WDR86: variants seen among roughly 807,000 people sequenced by gnomAD.
WDR86 encodes the protein WD repeat domain 86.
WDR86 carries 30 observed loss-of-function variants against 36.5 expected under a neutral mutation model. That is an observed-to-expected ratio of 0.82 (90% CI 0.61 to 1.11). The LOEUF (loss-of-function observed/expected upper bound fraction) is 1.11, where lower values mean the gene tolerates loss of function less well. WDR86 is among the 50% of genes most tolerant of loss of function. The pLI is 0.00. For synonymous variants in WDR86, 255 were observed against 252.9 expected (o/e 1.01, Z -0.08); for missense variants, 545 against 561.2 (o/e 0.97, Z 0.29).
downstream of WDR86, chr7:151,377,927 T>C (rs1798378744): frequency 6.6e-6 from 1 of 152,218 alleles, no homozygotes; most frequent in South Asian, 2.1e-4. Flanking sequence ...TTCTATTGAA[T>C]GGGAAAGGTT....
At chr7:151,377,833 T>C (rs1798372480), downstream of WDR86, 2 of 152,242 alleles carry the variant, frequency 1.3e-5, no homozygotes, top group Non-Finnish European at 2.9e-5. Context: ...TGTTTTATGC[T>C]CTTAGTTCAG....
In WDR86 at chr7:151,394,659, G is replaced by C. The variant is rs190784149; in HGVS notation, c.726+1117C>G. Among the ~76,000 whole-genome samples the C allele has an allele frequency of 2.9e-3, 440 of 152,354 alleles. 15 individuals are homozygous for C. Among genetic ancestry groups the C allele is most frequent in the Admixed American group, 0.028 (427 of 15,302 alleles). On this transcript the variant is annotated intron_variant, in intron 3 of 5. Transcript: ENST00000334493. Reference sequence around the variant, plus strand: ...CAGCAACAGCAGCAGGGATGGTCACGGTCGCGGCGGCTAAGGGCTGCCTGG... The same window carrying C: ...CAGCAACAGCAGCAGGGATGGTCACCGTCGCGGCGGCTAAGGGCTGCCTGG...
intron 1 of WDR86, among the ~76,000 whole-genome samples, chr7:151,407,476 C>T (rs552549635): frequency 1.3e-5 from 2 of 152,338 alleles, no homozygotes; most frequent in African/African-American, 4.8e-5. Flanking sequence ...TGGGCTCCCA[C>T]AACCCGTCCC....
At chr7:151,373,600 G>A (rs1798056876), downstream of WDR86, among the ~76,000 whole-genome samples, 2 of 152,236 alleles carry the variant, frequency 1.3e-5, no homozygotes, top group East Asian at 1.9e-4. Context: ...GCTGTGGGGG[G>A]CGGGTCACCA....
At position 151,396,276 on chromosome 7, in the gene WDR86, G is replaced by A. The variant is rs866121712; in HGVS notation, c.306-80C>T. On this transcript the variant is annotated intron_variant, in intron 2 of 5. Coordinates refer to ENST00000334493, the MANE Select transcript of WDR86 (RefSeq NM_198285.3). The stretch of plus-strand genomic sequence containing the variant: ...CACAGCCTCCCGACATGCCATGCTC[G>A]GCACTGCAGCTAAAATAACCTCTCC... 32 of 1,499,782 alleles carry A rather than the reference G, an allele frequency of 2.1e-5. 1 individual carries two copies. Among genetic ancestry groups the A allele is most frequent in the South Asian group, 1.4e-4 (12 of 86,660 alleles). 92.9% of individuals were successfully genotyped at this position (1,499,782 alleles called of 1,614,324 possible). A position where few individuals can be genotyped will look rare whatever the true frequency, so the allele number is the denominator to read the frequency against.
At chr7:151,402,753 C>T (rs1288022630) in intron 1 of WDR86, among the ~76,000 whole-genome samples, 2 of 152,194 alleles carry the variant, frequency 1.3e-5, no homozygotes, top group Non-Finnish European at 2.9e-5. Flanking sequence ...CTGAGCTACC[C>T]CACCAGCTGG....
chr7:151,377,234 C>T (rs747387276), downstream of WDR86: 27 of 1,507,796 alleles, frequency 1.8e-5, no homozygotes, highest in Non-Finnish European at 2.3e-5. Flanking sequence ...AAATAATGAA[C>T]AGAAATAGCG....
chr7:151,396,271 T>C (rs1250829320), intron 2 of WDR86, 75 bp from the exon 3 acceptor site: 4 of 1,504,742 alleles, frequency 2.7e-6, no homozygotes, highest in Admixed American at 3.4e-5. Flanking sequence ...CGACATGCCA[T>C]GCTCGGCACT....
At chr7:151,397,229 C>T (rs959138419) in intron 2 of WDR86, among the ~76,000 whole-genome samples, 10 of 152,330 alleles carry the variant, frequency 6.6e-5, no homozygotes, top group African/African-American at 2.2e-4. Flanking sequence ...CCGCGAAGGG[C>T]TTGCTGGCCA....
downstream of WDR86, chr7:151,376,584 G>A: frequency 4.6e-6 from 7 of 1,519,512 alleles, no homozygotes; most frequent in Non-Finnish European, 5.3e-6. Context: ...GACGGGGGTG[G>A]CAGAAGAGGC....
At position 151,396,189 on chromosome 7, in the gene WDR86, C is replaced by T; in HGVS notation, c.313G>A (p.Val105Ile). The T allele has an allele frequency of 6.2e-7, 1 of 1,612,854 alleles. No individual in the cohort carries two copies. The change falls in exon 3 of 6, where the codon GTT (valine) becomes ATT (isoleucine). Residue 105 changes from valine to isoleucine, a missense_variant. By Grantham distance (29) the Val-to-Ile change is conservative. Coordinates refer to ENST00000334493, the MANE Select transcript of WDR86 (RefSeq NM_198285.3). ...GHTSIVNRIL[V>I]ANNQLFSSSY... ...CTGCTGAAGAGCTGGTTGTTGGCAA[C>T]CAGGATCCTGGGGGCAAGAGGGAAG...
At position 151,396,178 on chromosome 7, in the gene WDR86, G is replaced by C. The variant is rs781010477; in HGVS notation, c.324C>G (p.Asn108Lys). 3 of 1,612,794 alleles carry C rather than the reference G, an allele frequency of 1.9e-6. No homozygotes were observed. In the Admixed American group the frequency reaches 5.0e-5, roughly 27 times the overall value. ...GGTCATAGGAGCTGCTGAAGAGCTGGTTGTTGGCAACCAGGATCCTGGGGG... is the reference window on the plus strand; with the variant it reads ...GGTCATAGGAGCTGCTGAAGAGCTGCTTGTTGGCAACCAGGATCCTGGGGG... ...SIVNRILVANNQLFSSSYDRT... is the reference protein window; with the variant it reads ...SIVNRILVANKQLFSSSYDRT... Residue 108 changes from asparagine (N) to lysine (K), a missense_variant, in exon 3 of 6, where the codon AAC (asparagine) becomes AAG (lysine). Asn to Lys is a moderately conservative substitution (Grantham distance 94). Coordinates refer to ENST00000334493, the MANE Select transcript of WDR86 (RefSeq NM_198285.3).
chr7:151,370,097 C>CT, the WDR86 span, among the ~76,000 whole-genome samples: 671 of 144,020 alleles, frequency 4.7e-3, 4 homozygotes, highest in South Asian at 0.02. Context: ...AAGCTGAGTT[C>CT]TTTTTTTTTT....
downstream of WDR86, among the ~76,000 whole-genome samples, chr7:151,371,363 A>ACCCCCCCC (rs57489077): frequency 1.7e-5 from 2 of 118,772 alleles, no homozygotes; most frequent in Admixed American, 9.0e-5. Context: ...TTTTACCCCC[A>ACCCCCCCC]CCCCCCACCC....
Position 151,406,920 on chromosome 7 carries a change from T to C in WDR86, c.163+2507A>G, listed in dbSNP as rs1214163962. 6.6e-6 allele frequency among the ~76,000 whole-genome samples: 1 copy of C among 151,926 alleles called. No homozygotes were observed. The highest frequency in any genetic ancestry group is 2.4e-5 in the African/African-American group (1 of 41,346). Reference sequence around the variant, plus strand: ...AACAAATGTTAAGACATTTTAATAATATTTCACTGATAGAAAAAAAAAATC... The same window carrying C: ...AACAAATGTTAAGACATTTTAATAACATTTCACTGATAGAAAAAAAAAATC... On this transcript the variant is annotated intron_variant, in intron 1 of 5. Coordinates refer to ENST00000334493, the MANE Select transcript of WDR86 (RefSeq NM_198285.3). The surrounding 1 kb of genome is among the most constrained non-coding windows in gnomAD (Gnocchi z 4.4).
rs1224575349 is a variant in WDR86 at position 151,388,087 on chromosome 7, G to A, written c.727-2864C>T. Among the ~76,000 whole-genome samples, 1 of 152,234 alleles carries A rather than the reference G, an allele frequency of 6.6e-6. No individual in the cohort carries two copies. The highest frequency in any genetic ancestry group is 2.4e-5 in the African/African-American group (1 of 41,460). ...CCGCCGGCTCCTCAGGGTTGGGTGAGACTCATGAACTGGTACGACAGGGCT... is the reference window on the plus strand; with the variant it reads ...CCGCCGGCTCCTCAGGGTTGGGTGAAACTCATGAACTGGTACGACAGGGCT... On this transcript the variant is annotated intron_variant, in intron 3 of 5. Transcript: ENST00000334493. This position sits in a 1 kb window ranked among gnomAD's most constrained non-coding sequence, Gnocchi z 4.2.
chr7:151,384,097 A>G (rs1353575749), intron 4 of WDR86, among the ~76,000 whole-genome samples: 3 of 152,204 alleles, frequency 2.0e-5, no homozygotes, highest in African/African-American at 7.2e-5. Flanking sequence ...AGATATCTAC[A>G]TTCTGTCTTC....
chr7:151,405,791 C>A lies in WDR86; in HGVS notation c.163+3636G>T, dbSNP rs560061633. ...CAGGCTTCACAGGGAGTCTCCTATG[C>A]CACCGGCTCCCAGCAAATGGGAATG... On this transcript the variant is annotated intron_variant, in intron 1 of 5. Transcript: ENST00000334493. This position sits in a 1 kb window ranked among gnomAD's most constrained non-coding sequence, Gnocchi z 4.7. 4.6e-5 allele frequency among the ~76,000 whole-genome samples: 7 copies of A among 152,294 alleles called. No individual in the cohort carries two copies. The East Asian group carries it at 1.4e-3, about 29-fold the overall frequency.
chr7:151,379,922 A>C (rs1257990865), downstream of WDR86, among the ~76,000 whole-genome samples: 1 of 151,772 alleles, frequency 6.6e-6, no homozygotes, highest in Non-Finnish European at 1.5e-5. Flanking sequence ...CACTGCCCGC[A>C]GGCAGCACTC....
Sources: gnomAD v4.1 joint callset for allele counts (sites outside exome capture counted in the v4.1 genomes callset) on GRCh38, gnomAD v4.1.1 for gene constraint, Gnocchi (gnomAD v3.1) non-coding constraint, MANE v1.5 for transcripts, NCBI Gene and HGNC (gene_info 2026-07-23, HGNC 2026-07-21) for gene names.